Variants in KLHL1 observed in about 807,000 individuals in gnomAD.
The protein encoded by KLHL1 is kelch-like protein 1.
A neutral mutation model predicts 77.7 loss-of-function variants in KLHL1; 47 were observed. The observed-to-expected ratio is 0.60, with a 90% CI of 0.48 to 0.77. The LOEUF (loss-of-function observed/expected upper bound fraction) is 0.77. Among genes scored for constraint, KLHL1 ranks in the 30% least tolerant of loss-of-function variants. The probability of loss-of-function intolerance (pLI) is 0.00; values close to 1 mark genes in which losing one functional copy is unlikely to be tolerated. For synonymous variants in KLHL1, 360 were observed against 325.2 expected (o/e 1.11, Z -1.15); for missense variants, 925 against 910.8 (o/e 1.02, Z -0.20).
intron 1 of KLHL1, among the ~76,000 whole-genome samples, chr13:70,080,868 T>TG (rs1434779356): frequency 6.6e-6 from 1 of 152,162 alleles, no homozygotes; most frequent in Non-Finnish European, 1.5e-5. Flanking sequence ...CCCAAAGTGC[T>TG]GGGACGTGAG....
intron 4 of KLHL1, among the ~76,000 whole-genome samples, chr13:69,938,749 G>A (rs1223805116): frequency 2.6e-5 from 4 of 152,040 alleles, no homozygotes; most frequent in Admixed American, 6.6e-5. Flanking sequence ...AATTTCTAAA[G>A]AAGGATTTGC....
chr13:69,740,787 C>T (rs1235686425), intron 7 of KLHL1, among the ~76,000 whole-genome samples: 1 of 152,122 alleles, frequency 6.6e-6, no homozygotes, highest in Non-Finnish European at 1.5e-5. Flanking sequence ...CTATTACAAT[C>T]TCATAGAAAC....
intron 2 of KLHL1, among the ~76,000 whole-genome samples, chr13:69,973,793 T>C (rs1884464814): frequency 6.6e-6 from 1 of 152,044 alleles, no homozygotes; most frequent in African/African-American, 2.4e-5. Context: ...GTACATTACT[T>C]GTAAAATAAT....
At chr13:70,015,997 A>G (rs571101491) in intron 1 of KLHL1, among the ~76,000 whole-genome samples, 9 of 152,232 alleles carry the variant, frequency 5.9e-5, no homozygotes, top group African/African-American at 1.9e-4. Flanking sequence ...AGAGATCAAG[A>G]AAAATAATGT....
At chr13:69,824,670 A>G (rs1415667477) in intron 6 of KLHL1, among the ~76,000 whole-genome samples, 1 of 152,148 alleles carries the variant, frequency 6.6e-6, no homozygotes, top group African/African-American at 2.4e-5. Context: ...TGTGATTTCC[A>G]TTTATGTGAA....
At chr13:70,082,818 T>A (rs1887429471) in intron 1 of KLHL1, among the ~76,000 whole-genome samples, 1 of 152,234 alleles carries the variant, frequency 6.6e-6, no homozygotes, top group South Asian at 2.1e-4. Context: ...AATCACATTC[T>A]TTGCCACAGC....
At chr13:69,801,028 T>A (rs1877352696) in intron 6 of KLHL1, among the ~76,000 whole-genome samples, 1 of 152,222 alleles carries the variant, frequency 6.6e-6, no homozygotes. Context: ...CGAATTACTC[T>A]GTGCGTAGAA....
chr13:69,797,543 G>A (rs574908309), intron 6 of KLHL1, among the ~76,000 whole-genome samples: 33 of 151,874 alleles, frequency 2.2e-4, no homozygotes, highest in Middle Eastern at 6.8e-3. Context: ...TAGGCCAGGC[G>A]CAATGGCTCA....
At chr13:70,088,009 A>G (rs1377679319) in intron 1 of KLHL1, among the ~76,000 whole-genome samples, 1 of 152,156 alleles carries the variant, frequency 6.6e-6, no homozygotes, top group Non-Finnish European at 1.5e-5. Context: ...AGGTGCAGCA[A>G]ATCACCATGG....
At chr13:69,741,946 A>G (rs768402135) in intron 7 of KLHL1, among the ~76,000 whole-genome samples, 1 of 152,170 alleles carries the variant, frequency 6.6e-6, no homozygotes, top group African/African-American at 2.4e-5. Flanking sequence ...AAGAAAGTTA[A>G]CCATTCTTTT....
intron 4 of KLHL1, chr13:69,895,194 G>T: frequency 2.0e-6 from 1 of 490,214 alleles, no homozygotes; most frequent in Non-Finnish European, 4.0e-6. Flanking sequence ...ATTTTAACAG[G>T]CACTGAATGT....
intron 7 of KLHL1, among the ~76,000 whole-genome samples, chr13:69,793,131 A>G (rs887727588): frequency 8.5e-5 from 13 of 152,134 alleles, no homozygotes; most frequent in African/African-American, 3.1e-4. Context: ...TCCATAATAA[A>G]TAATCACTGT....
At chr13:70,003,730 T>C (rs1332250084) in intron 1 of KLHL1, among the ~76,000 whole-genome samples, 1 of 151,768 alleles carries the variant, frequency 6.6e-6, no homozygotes, top group African/African-American at 2.4e-5. Context: ...AATTTTGTAC[T>C]ACATAACACA....
chr13:69,918,137 A>T (rs1334254914), intron 4 of KLHL1, among the ~76,000 whole-genome samples: 1 of 152,098 alleles, frequency 6.6e-6, no homozygotes, highest in Non-Finnish European at 1.5e-5. Context: ...CTAATAGGAC[A>T]AAAGCAGAAT....
Position 69,977,920 on chromosome 13 carries a change from T to C in KLHL1, c.498-2118A>G, listed in dbSNP as rs112501952. 1.8e-3 allele frequency among the ~76,000 whole-genome samples: 269 copies of C among 152,312 alleles called. 1 individual carries two copies. The highest frequency in any genetic ancestry group is 5.7e-3 in the African/African-American group (238 of 41,578). ...GAAGCTTACCAAATTCTATATCCAC[T>C]GATATTACCTGTGTTCTCTGTTATC... On this transcript the variant is annotated intron_variant, in intron 1 of 10. Coordinates refer to ENST00000377844, the MANE Select transcript of KLHL1 (RefSeq NM_020866.3).
At position 69,881,963 on chromosome 13, in the gene KLHL1, T is replaced by C. The variant is rs184108517; in HGVS notation, c.1227+320A>G. 8.5e-5 allele frequency among the ~76,000 whole-genome samples: 13 copies of C among 152,270 alleles called. No individual in the cohort carries two copies. In the East Asian group the frequency reaches 1.9e-3, roughly 23 times the overall value. On this transcript the variant is annotated intron_variant, in intron 5 of 10. Transcript: ENST00000377844. ...GTATTATGATTAGGCTTTTTACATA[T>C]ATATTATCTAATGGATCTTCACAAA...
intron 1 of KLHL1, among the ~76,000 whole-genome samples, chr13:70,077,203 C>A (rs1224873120): frequency 6.6e-6 from 1 of 151,924 alleles, no homozygotes; most frequent in Non-Finnish European, 1.5e-5. Context: ...AAACTAGAAG[C>A]AGTCAAGATG....
chr13:70,100,503 T>C (rs1887900020), intron 1 of KLHL1, among the ~76,000 whole-genome samples: 1 of 152,078 alleles, frequency 6.6e-6, no homozygotes, highest in East Asian at 1.9e-4. Flanking sequence ...AAATAAAAAG[T>C]TTTGTATTTT....
chr13:69,769,266 A>G (rs560141937), intron 7 of KLHL1, among the ~76,000 whole-genome samples: 2 of 152,362 alleles, frequency 1.3e-5, no homozygotes, highest in South Asian at 2.1e-4. Context: ...TAGAGGCAAC[A>G]GCTTTTACAA....
Sources: gnomAD v4.1 joint callset for allele counts (sites outside exome capture counted in the v4.1 genomes callset) on GRCh38, gnomAD v4.1.1 for gene constraint, MANE v1.5 for transcripts, NCBI Gene and HGNC (gene_info 2026-07-23, HGNC 2026-07-21) for gene names.